Variants in CEP126 observed in about 807,000 individuals in gnomAD.
CEP126 encodes the protein centrosomal protein 126.
In CEP126, 74 loss-of-function variants were observed where a neutral mutation model predicts 107.8. The ratio of observed to expected loss-of-function variants is 0.69; its 90% CI spans 0.57 to 0.83. CEP126 has a LOEUF of 0.83. CEP126 is among the 40% of genes least tolerant of loss of function. The probability of loss-of-function intolerance (pLI) is 0.00; values close to 1 mark genes in which losing one functional copy is unlikely to be tolerated. For missense variants in CEP126, 1,237 were observed against 1,281.9 expected (o/e 0.96, Z 0.53); for synonymous variants, 449 against 446.0 (o/e 1.01, Z -0.08).
chr11:101,962,469 C>G lies in CEP126; in HGVS notation c.1434C>G (p.Asn478Lys), dbSNP rs758160352. 3.7e-6 allele frequency: 6 copies of G among 1,613,130 alleles called. No individual in the cohort carries two copies. Among genetic ancestry groups the G allele is most frequent in the Non-Finnish European group, 5.1e-6 (6 of 1,179,718 alleles). The change falls in exon 6 of 11, where the codon AAC becomes AAG. Residue 478 changes from asparagine to lysine, a missense_variant. Asn to Lys is a moderately conservative substitution (Grantham distance 94, BLOSUM62 0). Transcript: ENST00000263468. ...NIQSARPSAK[N>K]SIHIKEIDAV... is the part of the protein sequence containing the mutation. The stretch of plus-strand genomic sequence containing the variant: ...AGTCAGCTAGACCTTCAGCAAAGAA[C>G]AGTATACACATAAAAGAAATTGATG...
intron 1 of CEP126, among the ~76,000 whole-genome samples, chr11:101,919,876 C>T (rs1465186746): frequency 6.6e-6 from 1 of 152,180 alleles, no homozygotes; most frequent in South Asian, 2.1e-4. Flanking sequence ...TGGCCCTGTG[C>T]ACCCTGAAAG....
At chr11:101,978,089 T>G (rs1213227789) in intron 6 of CEP126, among the ~76,000 whole-genome samples, 1 of 152,226 alleles carries the variant, frequency 6.6e-6, no homozygotes, top group Non-Finnish European at 1.5e-5. Flanking sequence ...TTACACAATC[T>G]TCTGGTGTTC....
chr11:101,941,725 C>G (rs886408844), intron 2 of CEP126, among the ~76,000 whole-genome samples: 2 of 152,070 alleles, frequency 1.3e-5, no homozygotes, highest in African/African-American at 4.8e-5. Context: ...TACCAATTTC[C>G]ACAGCTGCTG....
rs1941494478 is a variant in CEP126, at chr11:102,000,427, A to G, written c.*2784A>G. ...GCCGGACATGCTGGCTCATACCTGT[A>G]ATCCCAGAACTTTGGGAGGCCGAGG... On this transcript the variant is annotated 3_prime_UTR_variant, in exon 11 of 11. Coordinates refer to ENST00000263468, the MANE Select transcript of CEP126 (RefSeq NM_020802.4). The G allele has an allele frequency of 6.6e-6, 1 of 152,110 alleles. No homozygotes were observed. Among genetic ancestry groups the G allele is most frequent in the East Asian group, 1.9e-4 (1 of 5,160 alleles). The allele number at this position is 152,110 out of a possible 1,614,324, so 9.4% of individuals were successfully genotyped here.
chr11:101,984,254 A>T (rs1941290013), intron 8 of CEP126, among the ~76,000 whole-genome samples: 1 of 152,230 alleles, frequency 6.6e-6, no homozygotes, highest in Admixed American at 6.5e-5. Context: ...TGTTGCAAAC[A>T]CTTGGAACAC....
intron 4 of CEP126, chr11:101,956,748 C>T (rs940199735): frequency 4.4e-6 from 2 of 454,490 alleles, no homozygotes; most frequent in African/African-American, 4.0e-5. Context: ...TCTCCTGTTT[C>T]TTCTTCCTTT....
intron 2 of CEP126, among the ~76,000 whole-genome samples, chr11:101,927,486 T>G (rs1940430549): frequency 6.6e-6 from 1 of 152,166 alleles, no homozygotes; most frequent in Admixed American, 6.5e-5. Flanking sequence ...ATAATATGTT[T>G]ACAGTCAAGA....
intron 4 of CEP126, among the ~76,000 whole-genome samples, chr11:101,952,866 A>G (rs1341169125): frequency 2.0e-5 from 3 of 152,214 alleles, no homozygotes; most frequent in South Asian, 2.1e-4. Context: ...CAGCTAAACA[A>G]TCAAACTCCC....
At chr11:101,926,411 G>C (rs1052395073) in intron 2 of CEP126, among the ~76,000 whole-genome samples, 1 of 152,242 alleles carries the variant, frequency 6.6e-6, no homozygotes, top group Non-Finnish European at 1.5e-5. Context: ...AGAGTATCAG[G>C]AGAGGAAGTT....
In CEP126 at chr11:101,948,014, CTTTATTA is replaced by C; in HGVS notation, c.395-15_395-9del. 1 of 1,481,378 alleles carries C rather than the reference CTTTATTA, an allele frequency of 6.8e-7. No individual in the cohort carries two copies. The highest frequency in any genetic ancestry group is 9.4e-7 in the Non-Finnish European group (1 of 1,063,056). 91.8% of individuals were successfully genotyped at this position (1,481,378 alleles called of 1,614,324 possible). A position where few individuals can be genotyped will look rare whatever the true frequency, so the allele number is the denominator to read the frequency against. ...ATAAAGTGATTCTGTACTGTTCGGT[CTTTATTA>C]TCTCTTTAGTTTCCCGAAAACCAGT... On this transcript the variant is annotated splice_polypyrimidine_tract_variant and intron_variant, in intron 3 of 10. Transcript: ENST00000263468.
chr11:101,952,340 A>G (rs1369216938), intron 4 of CEP126, among the ~76,000 whole-genome samples: 1 of 152,230 alleles, frequency 6.6e-6, no homozygotes, highest in African/African-American at 2.4e-5. Flanking sequence ...ATTCGAAGCA[A>G]ACACAATATT....
At chr11:101,960,136 T>C (rs771260651) in intron 5 of CEP126, among the ~76,000 whole-genome samples, 2 of 151,032 alleles carry the variant, frequency 1.3e-5, no homozygotes, top group Non-Finnish European at 2.9e-5. Flanking sequence ...AAAAAAGATA[T>C]GTTACATGCA....
At chr11:101,927,182 A>T (rs1217202489) in intron 2 of CEP126, among the ~76,000 whole-genome samples, 3 of 152,130 alleles carry the variant, frequency 2.0e-5, no homozygotes, top group African/African-American at 7.2e-5. Flanking sequence ...CATGCCTGTA[A>T]TCCCAGCTAT....
chr11:101,967,553 A>G (rs1479745376), intron 6 of CEP126, among the ~76,000 whole-genome samples: 1 of 152,142 alleles, frequency 6.6e-6, no homozygotes, highest in Non-Finnish European at 1.5e-5. Context: ...CCTACTGTTT[A>G]TCTCGTAAAT....
At chr11:101,978,228 G>T (rs769059289) in intron 6 of CEP126, 119 bp from the exon 7 acceptor site, 8 of 693,534 alleles carry the variant, frequency 1.2e-5, no homozygotes, top group Non-Finnish European at 2.0e-5. Context: ...CATGCTAACT[G>T]AATGAATTAA....
chr11:101,958,434 G>A, intron 5 of CEP126, 68 bp downstream of exon 5: 2 of 1,289,296 alleles, frequency 1.6e-6, no homozygotes, highest in South Asian at 1.2e-5. Flanking sequence ...CTTTTGCAGT[G>A]TTCTCCACTA....
At chr11:101,959,740 A>G (rs1461550665) in intron 5 of CEP126, among the ~76,000 whole-genome samples, 1 of 152,232 alleles carries the variant, frequency 6.6e-6, no homozygotes, top group Non-Finnish European at 1.5e-5. Flanking sequence ...TCTGAAAAAC[A>G]TACTATCAGA....
chr11:101,974,414 A>G (rs1296457596), intron 6 of CEP126, among the ~76,000 whole-genome samples: 2 of 152,186 alleles, frequency 1.3e-5, no homozygotes, highest in Non-Finnish European at 2.9e-5. Context: ...GACAAAGAAG[A>G]AGGAGTAAAC....
chr11:101,991,671 A>C (rs901240981), intron 9 of CEP126, among the ~76,000 whole-genome samples: 1 of 152,218 alleles, frequency 6.6e-6, no homozygotes, highest in Non-Finnish European at 1.5e-5. Flanking sequence ...TAGACTCAAG[A>C]CACCACTGAG....
Sources: gnomAD v4.1 joint callset for allele counts (sites outside exome capture counted in the v4.1 genomes callset) on GRCh38, gnomAD v4.1.1 for gene constraint, MANE v1.5 for transcripts, NCBI Gene and HGNC (gene_info 2026-07-23, HGNC 2026-07-21) for gene names.